The following DNAH6 variants were observed in gnomAD, a reference collection of about 807,000 sequenced individuals.
DNAH6 encodes axonemal beta dynein heavy chain 6.
A neutral mutation model predicts 491.4 loss-of-function variants in DNAH6; 340 were observed. The observed-to-expected ratio is 0.69, with a 90% CI of 0.63 to 0.76. DNAH6 has a LOEUF of 0.76. Among genes scored for constraint, DNAH6 ranks in the 30% least tolerant of loss-of-function variants. The probability of loss-of-function intolerance (pLI) is 0.00; values close to 1 mark genes in which losing one functional copy is unlikely to be tolerated. For missense variants in DNAH6, 4,443 were observed against 4,972.2 expected, an observed-to-expected ratio of 0.89 and a Z score of 3.20; for synonymous variants, 1,603 against 1,686.1, an observed-to-expected ratio of 0.95 and a Z score of 1.21.
chr2:84,736,458 G>T (rs1346161745), intron 62 of DNAH6, among the ~76,000 whole-genome samples: 1 of 152,100 alleles, frequency 6.6e-6, no homozygotes, highest in Non-Finnish European at 1.5e-5. Context: ...TAATGATATT[G>T]ATTCTTCCAA....
intron 33 of DNAH6, among the ~76,000 whole-genome samples, chr2:84,652,738 G>C (rs1195922685): frequency 6.6e-6 from 1 of 151,944 alleles, no homozygotes; most frequent in Non-Finnish European, 1.5e-5. Context: ...TAAAGATTTA[G>C]CTTCTTTTTT....
intron 22 of DNAH6, among the ~76,000 whole-genome samples, chr2:84,615,967 A>G (rs901918338): frequency 1.3e-5 from 2 of 151,770 alleles, no homozygotes; most frequent in African/African-American, 2.4e-5. Context: ...CTTTAGGGTT[A>G]TTTAATTTCT....
At chr2:84,778,487 G>C (rs972671926) in intron 64 of DNAH6, among the ~76,000 whole-genome samples, 3 of 151,508 alleles carry the variant, frequency 2.0e-5, no homozygotes, top group African/African-American at 7.3e-5. Context: ...CTCAATGTAG[G>C]AATTTAGCAC....
At position 84,672,514 on chromosome 2, in the gene DNAH6, G is replaced by A. The variant is rs115433908; in HGVS notation, c.6612+30G>A. On this transcript the variant is annotated intron_variant, in intron 40 of 76. Coordinates refer to ENST00000389394, the MANE Select transcript of DNAH6 (RefSeq NM_001370.2). ...CTTTAGCTTTTAAATTACTTGGTGT[G>A]CTTAAATTTAAATGACAAGGAAATA... is the stretch of plus-strand genomic sequence containing the variant. 79,851 of 1,527,696 alleles carry A rather than the reference G, an allele frequency of 0.052. 2,372 individuals are homozygous for A. The highest frequency in any genetic ancestry group is 0.095 in the Middle Eastern group (558 of 5,894). 94.6% of individuals were successfully genotyped at this position (1,527,696 alleles called of 1,614,324 possible).
chr2:84,710,188 A>G (rs551104695), intron 55 of DNAH6, 99 bp from the exon 56 acceptor site: 10 of 1,439,914 alleles, frequency 6.9e-6, no homozygotes, highest in Middle Eastern at 1.8e-4. Flanking sequence ...ATTTGTTTCT[A>G]GATTGAATAA....
At chr2:84,635,877 T>C (rs1440813209) in intron 30 of DNAH6, among the ~76,000 whole-genome samples, 1 of 152,154 alleles carries the variant, frequency 6.6e-6, no homozygotes, top group Non-Finnish European at 1.5e-5. Flanking sequence ...ATCACCTTAC[T>C]CCATCCTGGT....
intron 37 of DNAH6, among the ~76,000 whole-genome samples, chr2:84,664,709 G>A (rs891157418): frequency 6.6e-6 from 1 of 152,260 alleles, no homozygotes; most frequent in African/African-American, 2.4e-5. Context: ...AGTTAACAAG[G>A]ATATCCAGGA....
intron 18 of DNAH6, among the ~76,000 whole-genome samples, chr2:84,603,924 C>T (rs772536612): frequency 5.9e-5 from 9 of 152,212 alleles, no homozygotes; most frequent in Non-Finnish European, 7.3e-5. Flanking sequence ...TTTCAGTCTT[C>T]ACTGTCAATT....
At chr2:84,805,516 T>TGGACGCCG in intron 70 of DNAH6, 149 bp from the exon 71 acceptor site, 1 of 648,600 alleles carries the variant, frequency 1.5e-6, no homozygotes, top group Non-Finnish European at 2.4e-6. Flanking sequence ...AGATCTCATG[T>TGGACGCCG]TAATTGTTCT....
intron 64 of DNAH6, among the ~76,000 whole-genome samples, chr2:84,780,047 T>A (rs1267117183): frequency 6.6e-6 from 1 of 152,172 alleles, no homozygotes; most frequent in African/African-American, 2.4e-5. Context: ...TCTGACCTTT[T>A]CCTCTAGCTG....
chr2:84,681,671 C>T (rs1423501392), intron 42 of DNAH6, 143 bp downstream of exon 42: 5 of 595,392 alleles, frequency 8.4e-6, no homozygotes, highest in Non-Finnish European at 1.3e-5. Context: ...AGGCTGAGTG[C>T]TTCACAACTA....
intron 64 of DNAH6, chr2:84,778,209 C>A: frequency 1.5e-6 from 1 of 671,050 alleles, no homozygotes; most frequent in Non-Finnish European, 2.8e-6. Context: ...TCAGCTGATC[C>A]TTGAGAGTTG....
At chr2:84,558,017 C>A (rs143965808) in intron 11 of DNAH6, 82 bp downstream of exon 11, 14,142 of 936,042 alleles carry the variant, frequency 0.015, 227 homozygotes, top group Middle Eastern at 0.066. Context: ...TCTTTCTTAT[C>A]TTTAAATGTT....
chr2:84,548,414 C>T lies in DNAH6; in HGVS notation c.1313C>T (p.Thr438Met), dbSNP rs757879883. The change falls in exon 8 of 77, where the codon ACG (threonine) becomes ATG (methionine). Residue 438 changes from threonine to methionine, a missense_variant. Transcript: ENST00000389394. ...ASKRHYCMRL[T>M]CFIRLNDYLI... ...AAAAGGCATTATTGCATGAGGCTGA[C>T]GTGGTAAGATTATTCTCATTTTCAA... 6.4e-5 allele frequency: 103 copies of T among 1,613,270 alleles called. No homozygotes were observed. The highest frequency in any genetic ancestry group is 8.0e-5 in the Non-Finnish European group (94 of 1,179,852).
chr2:84,603,503 T>G (rs1303517180), intron 18 of DNAH6, among the ~76,000 whole-genome samples: 1 of 152,152 alleles, frequency 6.6e-6, no homozygotes, highest in Non-Finnish European at 1.5e-5. Context: ...ATCCCACTGC[T>G]ATTTTTACTC....
At chr2:84,759,722 TA>T (rs1674386387) in intron 63 of DNAH6, among the ~76,000 whole-genome samples, 1 of 151,890 alleles carries the variant, frequency 6.6e-6, no homozygotes, top group African/African-American at 2.4e-5. Flanking sequence ...ATGTAAACCC[TA>T]AAAAATACCA....
In DNAH6 at chr2:84,625,061, A is replaced by G; in HGVS notation, c.4513A>G (p.Lys1505Glu). ...TAACTGTTCAGATGGTTTGGACTAC[A>G]AGGTACAGTTCTTGCATCTGAATAT... ...VFNCSDGLDY[K>E]MMGRFFSGLA... The change falls in exon 29 of 77, where the codon AAG (lysine) becomes GAG (glutamate). Residue 1505 changes from lysine to glutamate, a missense_variant and splice_region_variant. Transcript: ENST00000389394. 1 of 1,537,834 alleles carries G rather than the reference A, an allele frequency of 6.5e-7. No individual in the cohort carries two copies. The highest frequency in any genetic ancestry group is 8.8e-7 in the Non-Finnish European group (1 of 1,141,226).
Position 84,718,338 on chromosome 2 carries a change from A to G in DNAH6, c.9746A>G (p.Asn3249Ser). 6.5e-7 allele frequency: 1 copy of G among 1,549,828 alleles called. No individual in the cohort carries two copies. Among genetic ancestry groups the G allele is most frequent in the East Asian group, 2.4e-5 (1 of 40,896 alleles). ...AGAATGCTCTTTACCTCTGAAGGAA[A>G]TATTCTGGACAATGAAGAACTTATT... Reference protein sequence around the residue: ...ILRMLFTSEGNILDNEELIDT... With the variant: ...ILRMLFTSEGSILDNEELIDT... The change falls in exon 59 of 77, where the codon AAT (asparagine) becomes AGT (serine). Residue 3249 changes from asparagine (N) to serine (S), a missense_variant. Physicochemically the swap from Asn to Ser is conservative, Grantham distance 46 (BLOSUM62 1). Around this residue, in one of 3 missense-constraint regions of DNAH6, gnomAD observed 1,463 missense variants for 1,656.6 expected, o/e 0.88. Transcript: ENST00000389394.
chr2:84,732,683 A>G (rs2104982393), intron 61 of DNAH6, among the ~76,000 whole-genome samples: 1 of 152,312 alleles, frequency 6.6e-6, no homozygotes, highest in Admixed American at 6.5e-5. Flanking sequence ...GAGGAAATTA[A>G]ATGTTCTAAA....
Sources: gnomAD v4.1 joint callset for allele counts (sites outside exome capture counted in the v4.1 genomes callset) on GRCh38, gnomAD v4.1.1 for gene constraint, gnomAD v4.1.1 regional missense constraint, MANE v1.5 for transcripts, NCBI Gene and HGNC (gene_info 2026-07-23, HGNC 2026-07-21) for gene names.